Variants in COL4A1 observed in about 807,000 individuals in gnomAD.
COL4A1 encodes collagen type IV alpha 1 chain.
A neutral mutation model predicts 216.6 loss-of-function variants in COL4A1; 40 were observed. The observed-to-expected ratio is 0.18, with a 90% confidence interval of 0.14 to 0.24. The LOEUF (loss-of-function observed/expected upper bound fraction) is 0.24, where lower values mean the gene tolerates loss of function less well. COL4A1 is among the 10% of genes least tolerant of loss of function. COL4A1 has a pLI of 1.00. For missense variants in COL4A1, 1,628 were observed against 2,196.8 expected (o/e 0.74, Z 5.18); for synonymous variants, 839 against 810.7 (o/e 1.03, Z -0.59).
chr13:110,264,756 T>G (rs1882956831), intron 1 of COL4A1, among the ~76,000 whole-genome samples: 1 of 152,176 alleles, frequency 6.6e-6, no homozygotes, highest in South Asian at 2.1e-4. Flanking sequence ...TCTCCCTCTC[T>G]TTTTCTCCTC....
chr13:110,222,886 G>A (rs1353169416), intron 2 of COL4A1, among the ~76,000 whole-genome samples: 2 of 151,666 alleles, frequency 1.3e-5, no homozygotes, highest in Admixed American at 6.6e-5. Flanking sequence ...ACATTCTGTG[G>A]GCGGAGTGAG....
At chr13:110,232,644 A>C (rs772031196) in intron 2 of COL4A1, among the ~76,000 whole-genome samples, 2 of 152,176 alleles carry the variant, frequency 1.3e-5, no homozygotes, top group African/African-American at 2.4e-5. Flanking sequence ...ATTTTTTCCC[A>C]TAAATAGTCG....
chr13:110,212,567 T>C lies in COL4A1; in HGVS notation c.324+7A>G, dbSNP rs1184718955. On this transcript the variant is annotated splice_region_variant and intron_variant, in intron 5 of 51. Transcript: ENST00000375820. ...TAAAAGAAGTAGAGCACGTTTTCTA[T>C]ACATACGGGAAGTCCTGGGTTTCCA... The C allele has an allele frequency of 1.9e-6, 3 of 1,614,236 alleles. No homozygotes were observed. Among genetic ancestry groups the C allele is most frequent in the South Asian group, 2.2e-5 (2 of 91,086 alleles).
At chr13:110,195,709 AT>A (rs1373014105) in intron 21 of COL4A1, among the ~76,000 whole-genome samples, 1 of 152,232 alleles carries the variant, frequency 6.6e-6, no homozygotes, top group African/African-American at 2.4e-5. Context: ...CTAGTAAAAA[AT>A]ATCAGTATTG....
At chr13:110,303,500 T>C (rs981944192) in intron 1 of COL4A1, among the ~76,000 whole-genome samples, 8 of 152,188 alleles carry the variant, frequency 5.3e-5, no homozygotes, top group African/African-American at 1.9e-4. Flanking sequence ...TTGAAGGTCA[T>C]CTTTCAGTGC....
chr13:110,170,448 A>C, intron 42 of COL4A1, 99 bp downstream of exon 42: 1 of 1,338,176 alleles, frequency 7.5e-7, no homozygotes, highest in Non-Finnish European at 1.0e-6. Flanking sequence ...CTTCTAAATA[A>C]AAAAGCCCAA....
At chr13:110,200,160 C>G (rs591037) in intron 20 of COL4A1, among the ~76,000 whole-genome samples, 87,986 of 152,238 alleles carry the variant, frequency 0.58, 25,763 homozygotes, top group East Asian at 0.82. Context: ...TGCTAGGGCA[C>G]GTGAGCGTTT....
intron 28 of COL4A1, among the ~76,000 whole-genome samples, chr13:110,182,292 G>C (rs1256838727): frequency 6.6e-6 from 1 of 152,216 alleles, no homozygotes; most frequent in Non-Finnish European, 1.5e-5. Flanking sequence ...AGTGAGGGTG[G>C]ATGGGGCCTG....
intron 1 of COL4A1, chr13:110,266,025 A>C (rs1883017094): frequency 6.6e-6 from 1 of 152,128 alleles, no homozygotes; most frequent in African/African-American, 2.4e-5. Context: ...CCACGTGGAG[A>C]CAGATGCGGG....
In COL4A1 at chr13:110,162,168, G is replaced by GCA. The variant is rs1326294110; in HGVS notation, c.4462+60_4462+61dup. 8.0e-5 allele frequency: 116 copies of GCA among 1,449,116 alleles called. No individual in the cohort carries two copies. The East Asian group carries it at 1.8e-3, about 23-fold the overall frequency. 89.8% of individuals were successfully genotyped at this position (1,449,116 alleles called of 1,614,324 possible). On this transcript the variant is annotated intron_variant, in intron 48 of 51. Transcript: ENST00000375820. ...CAGCAGCAGAGGCGAGTCCAGCACT[G>GCA]CACACCGAAGGCACTCAACACACCT...
chr13:110,257,413 G>A (rs1235499093), intron 1 of COL4A1, among the ~76,000 whole-genome samples: 1 of 152,156 alleles, frequency 6.6e-6, no homozygotes, highest in African/African-American at 2.4e-5. Context: ...GATAACGGCT[G>A]GTAAACCAAA....
At position 110,207,046 on chromosome 13, in the gene COL4A1, G is replaced by C. The variant is rs1242955993; in HGVS notation, c.781-155C>G. 2.6e-5 allele frequency among the ~76,000 whole-genome samples: 4 copies of C among 152,124 alleles called. No individual in the cohort carries two copies. The highest frequency in any genetic ancestry group is 2.6e-4 in the Admixed American group (4 of 15,294). ...TCCAGCACTCACTTGACATTGACTG[G>C]TATAAATGTAAGCAGGGCAGGGTTT... On this transcript the variant is annotated intron_variant, in intron 13 of 51. Coordinates refer to ENST00000375820, the MANE Select transcript of COL4A1 (RefSeq NM_001845.6). This position sits in a 1 kb window ranked among gnomAD's most constrained non-coding sequence, Gnocchi z 4.4.
intron 2 of COL4A1, among the ~76,000 whole-genome samples, chr13:110,218,588 G>C (rs956835658): frequency 1.3e-5 from 2 of 152,166 alleles, no homozygotes; most frequent in East Asian, 3.9e-4. Context: ...CTAGCCAATT[G>C]CATAACATGA....
chr13:110,235,811 G>T (rs1881294343), intron 2 of COL4A1, among the ~76,000 whole-genome samples: 1 of 152,094 alleles, frequency 6.6e-6, no homozygotes, highest in African/African-American at 2.4e-5. Context: ...TATCTATATG[G>T]TGGAATATTT....
At chr13:110,279,063 T>C (rs1210558938) in intron 1 of COL4A1, among the ~76,000 whole-genome samples, 4 of 152,170 alleles carry the variant, frequency 2.6e-5, no homozygotes, top group Non-Finnish European at 2.9e-5. Flanking sequence ...TCCAATTCCA[T>C]ATGAAGTGTT....
chr13:110,199,038 A>G (rs1566367687), intron 20 of COL4A1, among the ~76,000 whole-genome samples: 1 of 152,226 alleles, frequency 6.6e-6, no homozygotes, highest in Non-Finnish European at 1.5e-5. Flanking sequence ...ATCTAGAAGA[A>G]AGAGCAGAAA....
At chr13:110,195,426 C>T (rs1878842643) in intron 21 of COL4A1, among the ~76,000 whole-genome samples, 1 of 152,172 alleles carries the variant, frequency 6.6e-6, no homozygotes. Context: ...GAAGTGCCTA[C>T]CATCACCCTT....
chr13:110,184,886 C>A (rs1311954601), intron 26 of COL4A1, among the ~76,000 whole-genome samples: 1 of 151,858 alleles, frequency 6.6e-6, no homozygotes, highest in Non-Finnish European at 1.5e-5. Flanking sequence ...GCCAGGCAGG[C>A]CTCGAGCTCC....
chr13:110,150,513 C>T, intron 51 of COL4A1, 69 bp from the exon 52 acceptor site: 3 of 1,480,948 alleles, frequency 2.0e-6, no homozygotes, highest in Non-Finnish European at 1.9e-6. Context: ...GGCACTCCTG[C>T]CCTGCTCGGA....
Sources: allele counts gnomAD v4.1 joint callset (sites outside exome capture counted in the v4.1 genomes callset), GRCh38; gene constraint gnomAD v4.1.1; non-coding constraint Gnocchi (gnomAD v3.1); transcripts MANE v1.5; gene names NCBI Gene and HGNC (gene_info 2026-07-23, HGNC 2026-07-21).